The following PHF3 variants were observed in gnomAD, a reference collection of about 807,000 sequenced individuals.
The protein encoded by PHF3 is PHD finger protein 3.
In PHF3, 41 loss-of-function variants were observed where a neutral mutation model predicts 178.4. That is an observed-to-expected ratio of 0.23 (90% CI 0.18 to 0.30). The LOEUF is 0.30. Ranked by LOEUF, PHF3 falls within the 10% of genes least tolerant of loss-of-function variation. PHF3 has a pLI of 1.00. For synonymous variants in PHF3, 842 were observed against 800.5 expected, an observed-to-expected ratio of 1.05 and a Z score of -0.88; for missense variants, 2,346 against 2,398.1, an observed-to-expected ratio of 0.98 and a Z score of 0.45.
At chr6:63,711,393 AT>A in intron 15 of PHF3, 31 bp downstream of exon 15, 1 of 1,521,566 alleles carries the variant, frequency 6.6e-7, no homozygotes, top group African/African-American at 1.4e-5. Flanking sequence ...TAGGATAAGA[AT>A]GAAATAACAT....
At chr6:63,664,526 ATTAC>A (rs1167823064) in intron 2 of PHF3, among the ~76,000 whole-genome samples, 1 of 152,192 alleles carries the variant, frequency 6.6e-6, no homozygotes. Context: ...GTGTATTTAT[ATTAC>A]TTGTCTTACT....
At chr6:63,695,417 A>G (rs1767191525) in intron 6 of PHF3, among the ~76,000 whole-genome samples, 1 of 152,196 alleles carries the variant, frequency 6.6e-6, no homozygotes. Flanking sequence ...GAACATTATT[A>G]GTAGGATGTG....
intron 2 of PHF3, among the ~76,000 whole-genome samples, chr6:63,677,773 CTGAT>C (rs1330342184): frequency 2.6e-5 from 4 of 152,160 alleles, no homozygotes; most frequent in Admixed American, 6.5e-5. Context: ...AACTAAATCA[CTGAT>C]TGAACAGTCT....
chr6:63,639,191 G>A (rs1448594642), intron 1 of PHF3, among the ~76,000 whole-genome samples: 2 of 152,118 alleles, frequency 1.3e-5, no homozygotes, highest in African/African-American at 4.8e-5. Flanking sequence ...AAATAGTTCA[G>A]TAAAAATTTT....
chr6:63,703,612 A>C lies in PHF3; in HGVS notation c.3308A>C (p.Lys1103Thr), dbSNP rs376436898. 3.7e-6 allele frequency: 6 copies of C among 1,613,174 alleles called. No homozygotes were observed. The South Asian group carries it at 6.6e-5, about 18-fold the overall frequency. ...AAAGAGGAGGTTGACTCTATGTCTA[A>C]AGATACCACTAGTCAACACAGACAG... is the stretch of plus-strand genomic sequence containing the variant. ...KQKEEVDSMS[K>T]DTTSQHRQHL... The change falls in exon 11 of 16, where the codon AAA becomes ACA. Residue 1103 changes from lysine (K) to threonine (T), a missense_variant. Lys to Thr is a moderately conservative substitution (Grantham distance 78). Transcript: ENST00000262043.
intron 6 of PHF3, among the ~76,000 whole-genome samples, chr6:63,697,170 T>G (rs1429530430): frequency 6.6e-6 from 1 of 152,106 alleles, no homozygotes; most frequent in Admixed American, 6.6e-5. Context: ...GAGGGAGGTA[T>G]TTATCAGAAA....
At position 63,714,887 on chromosome 6, in the gene PHF3, A is replaced by G. The variant is rs1768133373; in HGVS notation, c.*1179A>G. On this transcript the variant is annotated 3_prime_UTR_variant, in exon 16 of 16. Coordinates refer to ENST00000262043, the MANE Select transcript of PHF3 (RefSeq NM_001370348.2). Reference sequence around the variant, plus strand: ...TATGCCAGTTTTACTTGAAAAAAAAATATGAAAACTATTGTTAATTCAAAT... The same window carrying G: ...TATGCCAGTTTTACTTGAAAAAAAAGTATGAAAACTATTGTTAATTCAAAT... 6.6e-6 allele frequency: 1 copy of G among 152,112 alleles called. No homozygotes were observed. Among genetic ancestry groups the G allele is most frequent in the Admixed American group, 6.6e-5 (1 of 15,250 alleles). The allele number at this position is 152,112 out of a possible 1,614,324, so 9.4% of individuals were successfully genotyped here. A position where few individuals can be genotyped will look rare whatever the true frequency, so the allele number is the denominator to read the frequency against.
Position 63,720,630 on chromosome 6 carries a change from A to G in PHF3, c.*6922A>G, listed in dbSNP as rs2149623403. On this transcript the variant is annotated 3_prime_UTR_variant, in exon 16 of 16. Transcript: ENST00000262043. ...CTCATTTTGTTCATCTCCATCATAA[A>G]CATTGTATCCTTCTAATTTAATTAG... The G allele has an allele frequency of 6.6e-7, 1 of 1,510,858 alleles. No individual in the cohort carries two copies. The allele number at this position is 1,510,858 out of a possible 1,614,324, so 93.6% of individuals were successfully genotyped here. A position where few individuals can be genotyped will look rare whatever the true frequency, so the allele number is the denominator to read the frequency against.
chr6:63,646,863 CT>C, intron 2 of PHF3, 68 bp downstream of exon 2: 7 of 1,064,198 alleles, frequency 6.6e-6, no homozygotes, highest in Non-Finnish European at 7.0e-6. Context: ...TTTTCAGCAG[CT>C]TTTTCTTTTT....
At chr6:63,676,708 G>A (rs1766180467) in intron 2 of PHF3, among the ~76,000 whole-genome samples, 2 of 152,110 alleles carry the variant, frequency 1.3e-5, no homozygotes, top group South Asian at 4.1e-4. Flanking sequence ...TAAATGTGTT[G>A]GGAAGGTTTT....
chr6:63,671,527 C>G (rs138474993), intron 2 of PHF3, among the ~76,000 whole-genome samples: 1 of 152,178 alleles, frequency 6.6e-6, no homozygotes, highest in African/African-American at 2.4e-5. Context: ...AGGCCTCTCT[C>G]AAACATTGAG....
Position 63,684,155 on chromosome 6 carries a change from A to T in PHF3, c.433A>T (p.Thr145Ser), listed in dbSNP as rs1201859592. 3.7e-6 allele frequency: 6 copies of T among 1,610,812 alleles called. No homozygotes were observed. Among genetic ancestry groups the T allele is most frequent in the Non-Finnish European group, 4.2e-6 (5 of 1,178,974 alleles). ...QEQVRSLRQS[T>S]IAKRSNAAPL... ...ACAAGTAAGAAGTTTGCGACAGAGC[A>T]CTATTGCCAAGCGTTCAAATGCAGC... Residue 145 changes from threonine (T) to serine (S), a missense_variant, in exon 4 of 16, where the codon ACT (threonine) becomes TCT (serine). This residue lies in a region of PHF3 where 843 missense variants were observed against 795.2 expected (regional missense o/e 1.06). Transcript: ENST00000262043.
chr6:63,693,832 T>C (rs1362892560), intron 5 of PHF3, among the ~76,000 whole-genome samples: 2 of 152,186 alleles, frequency 1.3e-5, no homozygotes, highest in Non-Finnish European at 2.9e-5. Context: ...TATCCCTAGA[T>C]TTTTATGTTG....
At chr6:63,681,002 AAGG>A (rs1766411867) in intron 3 of PHF3, among the ~76,000 whole-genome samples, 1 of 152,086 alleles carries the variant, frequency 6.6e-6, no homozygotes, top group African/African-American at 2.4e-5. Flanking sequence ...TTGTGAGAAA[AAGG>A]AGCTGTGAGA....
At chr6:63,662,353 GT>G (rs1258169731) in intron 2 of PHF3, among the ~76,000 whole-genome samples, 1 of 152,108 alleles carries the variant, frequency 6.6e-6, no homozygotes, top group Non-Finnish European at 1.5e-5. Flanking sequence ...TATAATTTTT[GT>G]TTTATAGCCC....
chr6:63,645,453 G>C (rs890265381), intron 1 of PHF3, among the ~76,000 whole-genome samples: 1 of 152,144 alleles, frequency 6.6e-6, no homozygotes, highest in Non-Finnish European at 1.5e-5. Context: ...TATAACTAGT[G>C]AATGTTAGCA....
At position 63,722,097 on chromosome 6, in the gene PHF3, TATG is replaced by T. The variant is rs1197847634; in HGVS notation, c.*8392_*8394del. On this transcript the variant is annotated 3_prime_UTR_variant, in exon 16 of 16. Coordinates refer to ENST00000262043, the MANE Select transcript of PHF3 (RefSeq NM_001370348.2). ...TTTCTTCAAATGAAAGCCTGTTCCT[TATG>T]ATACCATTTAATGGCATTCACTATT... 1.3e-5 allele frequency among the ~76,000 whole-genome samples: 2 copies of T among 152,178 alleles called. No homozygotes were observed. Among genetic ancestry groups the T allele is most frequent in the Non-Finnish European group, 2.9e-5 (2 of 68,020 alleles).
At chr6:63,709,127 TC>T in intron 13 of PHF3, 23 bp from the exon 14 acceptor site, 8 of 1,224,782 alleles carry the variant, frequency 6.5e-6, no homozygotes, top group Non-Finnish European at 8.2e-6. Flanking sequence ...TATATTGATC[TC>T]TTTTTTTTTT....
rs1038894136 is a variant in PHF3, at chr6:63,714,125, C to A, written c.*417C>A. The A allele has an allele frequency of 3.2e-5, 5 of 154,618 alleles. No individual in the cohort carries two copies. Among genetic ancestry groups the A allele is most frequent in the Non-Finnish European group, 4.3e-5 (3 of 69,604 alleles). 9.6% of individuals were successfully genotyped at this position (154,618 alleles called of 1,614,324 possible). A position where few individuals can be genotyped will look rare whatever the true frequency, so the allele number is the denominator to read the frequency against. On this transcript the variant is annotated 3_prime_UTR_variant, in exon 16 of 16. Coordinates refer to ENST00000262043, the MANE Select transcript of PHF3 (RefSeq NM_001370348.2). ...CTCTGTAAGTTTGTTTTAAATTGCA[C>A]TGTTTTTAAAGAAACTGTAGAGGAG...
Sources: gnomAD v4.1 joint callset for allele counts (sites outside exome capture counted in the v4.1 genomes callset) on GRCh38, gnomAD v4.1.1 for gene constraint, gnomAD v4.1.1 regional missense constraint, MANE v1.5 for transcripts, NCBI Gene and HGNC (gene_info 2026-07-23, HGNC 2026-07-21) for gene names.